Variants in ZNF814 observed in about 807,000 individuals in gnomAD.
ZNF814 encodes zinc finger protein 814.
In ZNF814, 5 loss-of-function variants were observed where a neutral mutation model predicts 7.5. That is an observed-to-expected ratio of 0.67 (90% CI 0.35 to 1.40). The LOEUF is 1.40. ZNF814 is among the 40% of genes most tolerant of loss of function. The probability of loss-of-function intolerance (pLI) is 0.04; values close to 1 mark genes in which losing one functional copy is unlikely to be tolerated. For missense variants in ZNF814, 962 were observed against 1,018.0 expected (o/e 0.94, Z 0.75); for synonymous variants, 315 against 340.7 (o/e 0.92, Z 0.83).
the ZNF814 span, among the ~76,000 whole-genome samples, chr19:57,900,933 G>A: frequency 6.7e-5 from 9 of 134,290 alleles, no homozygotes; most frequent in Non-Finnish European, 1.1e-4. Flanking sequence ...TGCAAGCTCC[G>A]CCTCCCGGGT....
chr19:57,876,808 A>C, intron 2 of ZNF814, 108 bp downstream of exon 2: 16 of 1,545,396 alleles, frequency 1.0e-5, no homozygotes, highest in Non-Finnish European at 1.3e-5. Flanking sequence ...ACAGAACTGA[A>C]GCAGGAAGCT....
At chr19:57,878,291 A>G (rs1429536686) in intron 1 of ZNF814, among the ~76,000 whole-genome samples, 1 of 151,902 alleles carries the variant, frequency 6.6e-6, no homozygotes, top group African/African-American at 2.4e-5. Flanking sequence ...CATGGCATGC[A>G]AGCTTTGTAA....
chr19:57,879,710 C>CT (rs1443873080), intron 1 of ZNF814, among the ~76,000 whole-genome samples: 4 of 149,724 alleles, frequency 2.7e-5, no homozygotes, highest in Non-Finnish European at 5.9e-5. Flanking sequence ...AACAACCCTC[C>CT]TTATATTCCC....
In ZNF814 at chr19:57,874,755, G is replaced by T. The variant is rs558218700; in HGVS notation, c.635C>A (p.Ala212Asp). The change falls in exon 3 of 3, where the codon GCT becomes GAT. Residue 212 changes from alanine to aspartate, a missense_variant. Coordinates refer to ENST00000435989, the MANE Select transcript of ZNF814 (RefSeq NM_001144989.2). ...ECVSPIQCGG[A>D]HYSCGESMKH... ...CATGGATTCTCCACAGCTGTAGTGA[G>T]CTCCCCCACACTGAATGGGAGACAC... 6.2e-7 allele frequency: 1 copy of T among 1,613,276 alleles called. No individual in the cohort carries two copies. Among genetic ancestry groups the T allele is most frequent in the African/African-American group, 1.3e-5 (1 of 75,036 alleles).
chr19:57,883,766 T>G (rs2071667704), intron 1 of ZNF814, among the ~76,000 whole-genome samples: 1 of 149,720 alleles, frequency 6.7e-6, no homozygotes, highest in Admixed American at 6.7e-5. Flanking sequence ...ATTTCTTTAT[T>G]TTTTTTTTTG....
intron 2 of ZNF814, 80 bp downstream of exon 2, chr19:57,876,836 A>C (rs184163536): frequency 6.3e-7 from 1 of 1,587,550 alleles, no homozygotes; most frequent in African/African-American, 1.3e-5. Flanking sequence ...TGCTCCTGAC[A>C]TGAGAAAGTC....
the ZNF814 span, among the ~76,000 whole-genome samples, chr19:57,895,518 C>T: frequency 8.5e-4 from 130 of 152,094 alleles, 2 homozygotes; most frequent in African/African-American, 2.9e-3. Context: ...TCAGGCAATC[C>T]GCCCGCCTCG....
the ZNF814 span, chr19:57,901,758 G>T: frequency 2.5e-6 from 1 of 398,608 alleles, no homozygotes; most frequent in Non-Finnish European, 4.4e-6. Context: ...TAACCTAATG[G>T]TGGCTATGAT....
rs763929258 is a variant in ZNF814 at position 57,873,745 on chromosome 19, CAT to C, written c.1643_1644del (p.Tyr548Ter). The C allele has an allele frequency of 2.9e-5, 47 of 1,613,354 alleles. No homozygotes were observed. The highest frequency in any genetic ancestry group is 4.5e-5 in the East Asian group (2 of 44,796). ...HQQIHTGDRL[Y>X]ECGECGKSFS... The stretch of plus-strand genomic sequence containing the variant: ...AAAGATTTCCCACACTCTCCACACT[CAT>C]AAAGTCTGTCCCCAGTGTGAATTTG... On this transcript the variant is annotated frameshift_variant, in exon 3 of 3. Coordinates refer to ENST00000435989, the MANE Select transcript of ZNF814 (RefSeq NM_001144989.2). LOFTEE classifies it low-confidence loss of function (END_TRUNC).
upstream of ZNF814, among the ~76,000 whole-genome samples, chr19:57,890,815 G>A (rs1306016811): frequency 6.6e-6 from 1 of 152,102 alleles, no homozygotes; most frequent in Admixed American, 6.6e-5. Context: ...AACAGGAATT[G>A]GGAAGGAGCC....
upstream of ZNF814, among the ~76,000 whole-genome samples, chr19:57,889,681 A>G (rs1454612561): frequency 2.6e-5 from 4 of 152,204 alleles, no homozygotes; most frequent in Non-Finnish European, 5.9e-5. Flanking sequence ...CCTGGCCAAC[A>G]TGGTGAAACC....
chr19:57,897,475 GA>G, the ZNF814 span, among the ~76,000 whole-genome samples: 3 of 152,204 alleles, frequency 2.0e-5, no homozygotes, highest in Non-Finnish European at 4.4e-5. Context: ...CCCGGTATAA[GA>G]AAGGCAATCC....
At chr19:57,885,433 A>T (rs1359831011) in intron 1 of ZNF814, among the ~76,000 whole-genome samples, 1 of 152,030 alleles carries the variant, frequency 6.6e-6, no homozygotes, top group Non-Finnish European at 1.5e-5. Flanking sequence ...GTTCAAAACC[A>T]GCCTGGCCAA....
In ZNF814 at chr19:57,888,854, G is replaced by A. The variant is rs767793734; in HGVS notation, c.-52C>T. ...GGGAGGATAGGGCGACCAGCCAGGA[G>A]ATATGGGCACGACGGTCCGTATCCT... On this transcript the variant is annotated 5_prime_UTR_variant, in exon 1 of 3. Transcript: ENST00000435989. 474 of 1,547,306 alleles carry A rather than the reference G, an allele frequency of 3.1e-4. No homozygotes were observed. The highest frequency in any genetic ancestry group is 5.3e-4 in the Admixed American group (27 of 50,966).
At chr19:57,892,816 G>A (rs543138120), upstream of ZNF814, among the ~76,000 whole-genome samples, 1 of 152,286 alleles carries the variant, frequency 6.6e-6, no homozygotes, top group Admixed American at 6.5e-5. Flanking sequence ...GTTTTTCTCT[G>A]TCTCCTTTCC....
chr19:57,878,166 CAAAAAA>C (rs60614715), intron 1 of ZNF814, among the ~76,000 whole-genome samples: 3 of 88,438 alleles, frequency 3.4e-5, no homozygotes, highest in African/African-American at 4.4e-5. Flanking sequence ...AACTCTGTCT[CAAAAAA>C]AAAAAAAAAA....
chr19:57,886,428 CCTTT>C (rs1272064545), intron 1 of ZNF814, among the ~76,000 whole-genome samples: 1 of 152,172 alleles, frequency 6.6e-6, no homozygotes, highest in Non-Finnish European at 1.5e-5. Context: ...CTCTGTTCTT[CCTTT>C]GATTGGCCTT....
At position 57,874,789 on chromosome 19, in the gene ZNF814, T is replaced by C; in HGVS notation, c.601A>G (p.Thr201Ala). The C allele has an allele frequency of 6.2e-7, 1 of 1,614,086 alleles. No homozygotes were observed. Among genetic ancestry groups the C allele is most frequent in the Non-Finnish European group, 8.5e-7 (1 of 1,179,984 alleles). The change falls in exon 3 of 3, where the codon ACT (threonine) becomes GCT (alanine). Residue 201 changes from threonine to alanine, a missense_variant. Thr to Ala is a moderately conservative substitution (Grantham distance 58, BLOSUM62 0). This residue lies in a region of ZNF814 where 126 missense variants were observed against 123.5 expected (regional missense o/e 1.02). Coordinates refer to ENST00000435989, the MANE Select transcript of ZNF814 (RefSeq NM_001144989.2). ...SHTGEKSNSK[T>A]ECVSPIQCGG... ...CACTGAATGGGAGACACACACTCAG[T>C]TTTGCTGTTTGACTTCTCCCCAGTG...
intron 1 of ZNF814, among the ~76,000 whole-genome samples, chr19:57,883,119 G>A (rs910179110): frequency 2.6e-5 from 4 of 151,986 alleles, no homozygotes; most frequent in African/African-American, 9.7e-5. Context: ...AGCACTTTGG[G>A]AGGCCGAGGC....
Sources: allele counts gnomAD v4.1 joint callset (sites outside exome capture counted in the v4.1 genomes callset), GRCh38; gene constraint gnomAD v4.1.1; regional missense constraint gnomAD v4.1.1; transcripts MANE v1.5; gene names NCBI Gene and HGNC (gene_info 2026-07-23, HGNC 2026-07-21).